SENP5: variants seen among roughly 807,000 people sequenced by gnomAD.
SENP5 encodes SUMO specific peptidase 5, also known as sentrin-specific protease 5.
A neutral mutation model predicts 74.2 loss-of-function variants in SENP5; 21 were observed. That is an observed-to-expected ratio of 0.28 (90% CI 0.20 to 0.41). The LOEUF is 0.41. SENP5 is among the 10% of genes least tolerant of loss of function. SENP5 has a pLI of 1.00. For missense variants in SENP5, 717 were observed against 889.1 expected (o/e 0.81, Z 2.46); for synonymous variants, 311 against 312.7 (o/e 0.99, Z 0.06).
chr3:196,885,221 C>T lies in SENP5; in HGVS notation c.40C>T (p.His14Tyr), dbSNP rs1560142154. Residue 14 changes from histidine to tyrosine, a missense_variant, in exon 2 of 10, where the codon CAC (histidine) becomes TAC (tyrosine). This residue lies in a region of SENP5 where 567 missense variants were observed against 577.4 expected (regional missense o/e 0.98). Coordinates refer to ENST00000323460, the MANE Select transcript of SENP5 (RefSeq NM_152699.5). ...QRKILWRKGI[H>Y]LAFSEKWNTG... ...GAAAATTCTATGGAGGAAAGGAATC[C>T]ACTTAGCCTTTTCTGAGAAATGGAA... 8 of 1,613,710 alleles carry T rather than the reference C, an allele frequency of 5.0e-6. No individual in the cohort carries two copies. Among genetic ancestry groups the T allele is most frequent in the Non-Finnish European group, 6.8e-6 (8 of 1,179,932 alleles).
intron 2 of SENP5, among the ~76,000 whole-genome samples, chr3:196,888,721 G>T (rs1714083009): frequency 6.6e-6 from 1 of 152,116 alleles, no homozygotes; most frequent in South Asian, 2.1e-4. Flanking sequence ...AGGACATCTG[G>T]ACAGATATTA....
At position 196,886,161 on chromosome 3, in the gene SENP5, A is replaced by C. The variant is rs760698008; in HGVS notation, c.980A>C (p.His327Pro). The change falls in exon 2 of 10, where the codon CAC (histidine) becomes CCC (proline). Residue 327 changes from histidine to proline, a missense_variant. Around this residue, in one of 4 missense-constraint regions of SENP5, gnomAD observed 567 missense variants for 577.4 expected, o/e 0.98. Coordinates refer to ENST00000323460, the MANE Select transcript of SENP5 (RefSeq NM_152699.5). The part of the protein sequence containing the change: ...KGTNSHVPDC[H>P]TKGSSFLGKE... ...ACGAACTCTCATGTGCCTGATTGCC[A>C]CACTAAAGGAAGCTCTTTCTTGGGC... 2 of 1,614,220 alleles carry C rather than the reference A, an allele frequency of 1.2e-6. No homozygotes were observed. Among genetic ancestry groups the C allele is most frequent in the Admixed American group, 3.3e-5 (2 of 60,022 alleles).
chr3:196,924,290 A>T (rs1305779442), intron 7 of SENP5, among the ~76,000 whole-genome samples: 4 of 152,242 alleles, frequency 2.6e-5, no homozygotes, highest in Non-Finnish European at 5.9e-5. Flanking sequence ...TCTGTATATC[A>T]TAAAGTTAAA....
chr3:196,870,765 G>A (rs1030238776), intron 1 of SENP5, among the ~76,000 whole-genome samples: 9 of 151,888 alleles, frequency 5.9e-5, no homozygotes, highest in African/African-American at 1.2e-4. Context: ...TGATCTCTCC[G>A]TCTCAGCCTC....
At chr3:196,927,654 A>C (rs1715863804) in intron 7 of SENP5, 142 bp from the exon 8 acceptor site, 2 of 533,564 alleles carry the variant, frequency 3.7e-6, no homozygotes. Context: ...AAAAAAAAAA[A>C]AATTGTTCCA....
At chr3:196,901,024 T>C (rs1487361952) in intron 5 of SENP5, among the ~76,000 whole-genome samples, 2 of 151,176 alleles carry the variant, frequency 1.3e-5, no homozygotes, top group African/African-American at 4.9e-5. Flanking sequence ...CTGGCTAAGC[T>C]TTTTACATTT....
At position 196,873,260 on chromosome 3, in the gene SENP5, A is replaced by G. The variant is rs139008218; in HGVS notation, c.-32+5187A>G. On this transcript the variant is annotated intron_variant, in intron 1 of 9. Coordinates refer to ENST00000323460, the MANE Select transcript of SENP5 (RefSeq NM_152699.5). ...GGCTAATGTTTGTATTTTAGTAGAG[A>G]CGGGGTTTCTCCATGTTGGTCAGGC... Among the ~76,000 whole-genome samples the G allele has an allele frequency of 9.8e-3, 1,479 of 150,978 alleles. 11 individuals are homozygous for G. The highest frequency in any genetic ancestry group is 0.027 in the Middle Eastern group (8 of 294).
chr3:196,874,016 A>C (rs28477325), intron 1 of SENP5, among the ~76,000 whole-genome samples: 204 of 151,584 alleles, frequency 1.3e-3, no homozygotes, highest in African/African-American at 4.6e-3. Context: ...TTTTTCTTTT[A>C]AAAAATTAAT....
At chr3:196,872,000 T>C (rs1431322219) in intron 1 of SENP5, among the ~76,000 whole-genome samples, 1 of 152,244 alleles carries the variant, frequency 6.6e-6, no homozygotes, top group African/African-American at 2.4e-5. Context: ...TCTGCCCGCC[T>C]TGGCCTCCCA....
intron 5 of SENP5, 34 bp from the exon 6 acceptor site, chr3:196,903,499 T>C: frequency 7.0e-7 from 1 of 1,430,196 alleles, no homozygotes; most frequent in South Asian, 1.2e-5. Flanking sequence ...CAGCCTAATA[T>C]AATCTGGTTG....
chr3:196,898,848 A>G (rs1714569437), intron 2 of SENP5, among the ~76,000 whole-genome samples: 1 of 152,140 alleles, frequency 6.6e-6, no homozygotes, highest in Non-Finnish European at 1.5e-5. Flanking sequence ...TTCGATGACG[A>G]TTCCATTCAA....
chr3:196,870,444 G>A (rs1713163212), intron 1 of SENP5, among the ~76,000 whole-genome samples: 1 of 152,100 alleles, frequency 6.6e-6, no homozygotes, highest in Non-Finnish European at 1.5e-5. Flanking sequence ...AGCCGGAAAT[G>A]GACCCTACAT....
chr3:196,926,627 C>G (rs1715822546), intron 7 of SENP5, among the ~76,000 whole-genome samples: 2 of 147,836 alleles, frequency 1.4e-5, no homozygotes, highest in Admixed American at 6.8e-5. Context: ...GAAGAGGTGG[C>G]TTCCAGTCCA....
chr3:196,918,145 A>G (rs1283546614), intron 6 of SENP5, among the ~76,000 whole-genome samples: 2 of 151,766 alleles, frequency 1.3e-5, no homozygotes, highest in Admixed American at 6.6e-5. Flanking sequence ...TCTCTACTAA[A>G]AATACAAAAA....
At chr3:196,916,441 G>A (rs1489892803) in intron 6 of SENP5, among the ~76,000 whole-genome samples, 1 of 152,050 alleles carries the variant, frequency 6.6e-6, no homozygotes, top group African/African-American at 2.4e-5. Context: ...ATTGAAAATA[G>A]CTGTTTTGAG....
chr3:196,876,667 G>A (rs1713488081), intron 1 of SENP5, among the ~76,000 whole-genome samples: 1 of 149,610 alleles, frequency 6.7e-6, no homozygotes, highest in African/African-American at 2.5e-5. Flanking sequence ...GATCACTTGA[G>A]TCCAGGAGTT....
At chr3:196,928,987 C>A (rs1232931658) in intron 8 of SENP5, among the ~76,000 whole-genome samples, 1 of 152,136 alleles carries the variant, frequency 6.6e-6, no homozygotes, top group African/African-American at 2.4e-5. Flanking sequence ...TCTAGGAGTT[C>A]AAGACCAGCC....
chr3:196,885,887 T>G lies in SENP5; in HGVS notation c.706T>G (p.Leu236Val). 1 of 1,613,548 alleles carries G rather than the reference T, an allele frequency of 6.2e-7. No homozygotes were observed. The highest frequency in any genetic ancestry group is 8.5e-7 in the Non-Finnish European group (1 of 1,179,936). Residue 236 changes from leucine (L) to valine (V), a missense_variant, in exon 2 of 10, where the codon TTA becomes GTA. Physicochemically the swap from Leu to Val is conservative, Grantham distance 32. This residue lies in a region of SENP5 where 567 missense variants were observed against 577.4 expected (regional missense o/e 0.98). Coordinates refer to ENST00000323460, the MANE Select transcript of SENP5 (RefSeq NM_152699.5). ...ATCTCCTCTTATGATGTATGAGAAA[T>G]TATCCATGATTAGATTTCGGTACAG... ...KLSPLMMYEKLSMIRFRYRIL... is the reference protein window; with the variant it reads ...KLSPLMMYEKVSMIRFRYRIL...
At position 196,932,576 on chromosome 3, in the gene SENP5, G is replaced by C. The variant is rs967431991; in HGVS notation, c.*1653G>C. 2.0e-5 allele frequency: 3 copies of C among 152,152 alleles called. No homozygotes were observed. Among genetic ancestry groups the C allele is most frequent in the Non-Finnish European group, 4.4e-5 (3 of 68,048 alleles). 9.4% of individuals were successfully genotyped at this position (152,152 alleles called of 1,614,324 possible). ...TGTGTTTCAAGTCGTTAAAAAGACT[G>C]AGAGTAGAGGCACTTTATGCTGCTA... On this transcript the variant is annotated 3_prime_UTR_variant, in exon 10 of 10. Transcript: ENST00000323460.
Sources: gnomAD v4.1 joint callset for allele counts (sites outside exome capture counted in the v4.1 genomes callset) on GRCh38, gnomAD v4.1.1 for gene constraint, gnomAD v4.1.1 regional missense constraint, MANE v1.5 for transcripts, NCBI Gene and HGNC (gene_info 2026-07-23, HGNC 2026-07-21) for gene names.